The following RAB11FIP2 variants were observed in gnomAD, a reference collection of about 807,000 sequenced individuals.
The protein encoded by RAB11FIP2 is rab11 family-interacting protein 2.
In RAB11FIP2, 16 loss-of-function variants were observed where a neutral mutation model predicts 40.9. The observed-to-expected ratio is 0.39, with a 90% CI of 0.26 to 0.59. RAB11FIP2 has a LOEUF of 0.59. Among genes scored for constraint, RAB11FIP2 ranks in the 20% least tolerant of loss-of-function variants. The probability of loss-of-function intolerance (pLI) is 0.53; values close to 1 mark genes in which losing one functional copy is unlikely to be tolerated. For missense variants in RAB11FIP2, 532 were observed against 606.2 expected, an observed-to-expected ratio of 0.88 and a Z score of 1.28; for synonymous variants, 228 against 213.7, an observed-to-expected ratio of 1.07 and a Z score of -0.58.
At position 118,046,743 on chromosome 10, in the gene RAB11FIP2, G is replaced by C. The variant is rs1589651130; in HGVS notation, c.-580C>G. On this transcript the variant is annotated 5_prime_UTR_variant, in exon 1 of 5. Transcript: ENST00000355624. Reference sequence around the variant, plus strand: ...CTCGCCTCAGCTCCTCCTCTCGGGCGGGAGCGGGTAGCCAGGGGTGGAGTG... The same window carrying C: ...CTCGCCTCAGCTCCTCCTCTCGGGCCGGAGCGGGTAGCCAGGGGTGGAGTG... 1 of 152,246 alleles carries C rather than the reference G, an allele frequency of 6.6e-6. No individual in the cohort carries two copies. Among genetic ancestry groups the C allele is most frequent in the East Asian group, 1.9e-4 (1 of 5,134 alleles). The allele number at this position is 152,246 out of a possible 1,614,324, so 9.4% of individuals were successfully genotyped here.
At position 118,039,043 on chromosome 10, in the gene RAB11FIP2, G is replaced by T; in HGVS notation, c.1194C>A (p.Asp398Glu). 1.9e-6 allele frequency: 3 copies of T among 1,612,960 alleles called. No homozygotes were observed. The highest frequency in any genetic ancestry group is 2.5e-6 in the Non-Finnish European group (3 of 1,179,572). Residue 398 changes from aspartate to glutamate, a missense_variant, in exon 3 of 5, where the codon GAC (aspartate) becomes GAA (glutamate). Transcript: ENST00000355624. ...SPNAFSENRQ[D>E]YFDYESTNPF... ...GATTGGTTGACTCATAATCAAAATA[G>T]TCCTGGCGATTTTCACTAAATGCAT...
At position 118,005,715 on chromosome 10, in the gene RAB11FIP2, G is replaced by C. The variant is rs1846083653; in HGVS notation, c.*3283C>G. On this transcript the variant is annotated 3_prime_UTR_variant, in exon 5 of 5. Coordinates refer to ENST00000355624, the MANE Select transcript of RAB11FIP2 (RefSeq NM_014904.3). ...GCTACAGAGGAAAATAAAAGCTCTAGTGTAACATTTACTGTAGATATATTA... is the reference window on the plus strand; with the variant it reads ...GCTACAGAGGAAAATAAAAGCTCTACTGTAACATTTACTGTAGATATATTA... The C allele has an allele frequency of 1.3e-5, 2 of 151,782 alleles. No homozygotes were observed. The highest frequency in any genetic ancestry group is 4.8e-5 in the African/African-American group (2 of 41,314). The allele number at this position is 151,782 out of a possible 1,614,324, so 9.4% of individuals were successfully genotyped here.
Position 118,008,971 on chromosome 10 carries a change from AT to A in RAB11FIP2, c.*26del, listed in dbSNP as rs1040757111. The A allele has an allele frequency of 6.5e-7, 1 of 1,541,558 alleles. No homozygotes were observed. Among genetic ancestry groups the A allele is most frequent in the Non-Finnish European group, 9.0e-7 (1 of 1,116,874 alleles). On this transcript the variant is annotated 3_prime_UTR_variant, in exon 5 of 5. Transcript: ENST00000355624. Reference sequence around the variant, plus strand: ...TTCTTTCTTTCTCTCTCTTTGTCCAATTATCAATACAATACAATTGGCTTTA... The same window carrying A: ...TTCTTTCTTTCTCTCTCTTTGTCCAATATCAATACAATACAATTGGCTTTA...
At chr10:118,045,030 G>C (rs1396714932) in intron 1 of RAB11FIP2, among the ~76,000 whole-genome samples, 1 of 151,932 alleles carries the variant, frequency 6.6e-6, no homozygotes, top group Non-Finnish European at 1.5e-5. Context: ...AAATTAAAAT[G>C]TATCTAACTC....
At chr10:118,035,689 C>G (rs1233147033) in intron 3 of RAB11FIP2, among the ~76,000 whole-genome samples, 1 of 151,956 alleles carries the variant, frequency 6.6e-6, no homozygotes, top group Non-Finnish European at 1.5e-5. Context: ...AAATGCAGAC[C>G]CTGCTATCAA....
chr10:118,015,004 T>C lies in RAB11FIP2; in HGVS notation c.1311+61A>G. The C allele has an allele frequency of 2.8e-6, 4 of 1,411,538 alleles. No individual in the cohort carries two copies. In the South Asian group the frequency reaches 5.1e-5, roughly 18 times the overall value. 87.4% of individuals were successfully genotyped at this position (1,411,538 alleles called of 1,614,324 possible). On this transcript the variant is annotated intron_variant, in intron 4 of 4. Transcript: ENST00000355624. ...GAAGACAAAGGCATTTTTAGAAATG[T>C]GTGCCAGAGAAAAAGACCAGCTTAC...
chr10:118,032,401 G>A (rs1344724126), intron 3 of RAB11FIP2, among the ~76,000 whole-genome samples: 2 of 148,980 alleles, frequency 1.3e-5, no homozygotes, highest in Non-Finnish European at 1.5e-5. Context: ...TGTGCATTAG[G>A]TGCGTGCGTG....
chr10:118,024,653 C>T (rs1846322016), intron 3 of RAB11FIP2, among the ~76,000 whole-genome samples: 1 of 152,110 alleles, frequency 6.6e-6, no homozygotes, highest in South Asian at 2.1e-4. Flanking sequence ...GCTTTTCCTG[C>T]AAGGAGGGAG....
intron 3 of RAB11FIP2, among the ~76,000 whole-genome samples, chr10:118,038,034 A>T (rs1461822062): frequency 6.6e-6 from 1 of 151,742 alleles, no homozygotes; most frequent in Non-Finnish European, 1.5e-5. Flanking sequence ...GTTATTTCTT[A>T]TTTATTTTTT....
chr10:118,039,745 T>C (rs765237055), intron 2 of RAB11FIP2: 16 of 363,546 alleles, frequency 4.4e-5, no homozygotes, highest in Non-Finnish European at 7.4e-5. Context: ...TCAGAGACTT[T>C]TTCATTAGCA....
intron 4 of RAB11FIP2, among the ~76,000 whole-genome samples, chr10:118,010,592 A>G (rs1175273323): frequency 1.3e-5 from 2 of 152,122 alleles, no homozygotes; most frequent in African/African-American, 4.8e-5. Flanking sequence ...TTACCAGACC[A>G]GAGAAAGAGA....
chr10:118,042,698 C>CTG (rs140082644), intron 1 of RAB11FIP2, among the ~76,000 whole-genome samples: 74 of 151,340 alleles, frequency 4.9e-4, no homozygotes, highest in South Asian at 4.6e-3. Context: ...TAAGCTACAA[C>CTG]TGTGTGTGTG....
intron 2 of RAB11FIP2, 86 bp from the exon 3 acceptor site, chr10:118,039,526 T>C (rs1479546991): frequency 7.7e-6 from 9 of 1,165,014 alleles, no homozygotes; most frequent in African/African-American, 1.5e-5. Context: ...CTGCTGCTTT[T>C]AGAATGAGAG....
Position 118,046,218 on chromosome 10 carries a change from AGG to A in RAB11FIP2, c.-57_-56del. 2.1e-6 allele frequency: 3 copies of A among 1,444,182 alleles called. No individual in the cohort carries two copies. Among genetic ancestry groups the A allele is most frequent in the Non-Finnish European group, 2.9e-6 (3 of 1,040,716 alleles). The allele number at this position is 1,444,182 out of a possible 1,614,324, so 89.5% of individuals were successfully genotyped here. On this transcript the variant is annotated 5_prime_UTR_variant, in exon 1 of 5. Coordinates refer to ENST00000355624, the MANE Select transcript of RAB11FIP2 (RefSeq NM_014904.3). ...CTAGCACAGGCAGTGCCCCTCCCGG[AGG>A]GAGAGCCTAATTCCTTAATCACTGC...
At chr10:118,013,865 T>A in intron 4 of RAB11FIP2, among the ~76,000 whole-genome samples, 1 of 152,200 alleles carries the variant, frequency 6.6e-6, no homozygotes, top group East Asian at 1.9e-4. Context: ...GTAATTAAGG[T>A]TACTTAATAA....
At chr10:118,028,474 C>A (rs1317994079) in intron 3 of RAB11FIP2, among the ~76,000 whole-genome samples, 1 of 152,054 alleles carries the variant, frequency 6.6e-6, no homozygotes, top group Non-Finnish European at 1.5e-5. Flanking sequence ...AAAATCACTT[C>A]ATAGTTAATT....
At chr10:118,011,494 A>C (rs1183325764) in intron 4 of RAB11FIP2, among the ~76,000 whole-genome samples, 1 of 152,140 alleles carries the variant, frequency 6.6e-6, no homozygotes, top group Non-Finnish European at 1.5e-5. Context: ...ATAAAAGATT[A>C]TGTTAAGCCG....
intron 4 of RAB11FIP2, 143 bp from the exon 5 acceptor site, chr10:118,009,368 C>A: frequency 1.3e-6 from 1 of 769,888 alleles, no homozygotes; most frequent in Non-Finnish European, 2.0e-6. Flanking sequence ...TGACAGTTCA[C>A]AAATTGGCTA....
At chr10:118,029,434 A>G (rs1464600614) in intron 3 of RAB11FIP2, among the ~76,000 whole-genome samples, 40 of 152,168 alleles carry the variant, frequency 2.6e-4, no homozygotes, top group Admixed American at 2.6e-3. Flanking sequence ...GATAGAAGAC[A>G]TTAATTCAAT....
Sources: gnomAD v4.1 joint callset for allele counts (sites outside exome capture counted in the v4.1 genomes callset) on GRCh38, gnomAD v4.1.1 for gene constraint, MANE v1.5 for transcripts, NCBI Gene and HGNC (gene_info 2026-07-23, HGNC 2026-07-21) for gene names.